Variants in GLYR1 observed in about 807,000 individuals in gnomAD.
The protein encoded by GLYR1 is cytokine-like nuclear factor N-PAC.
Under a neutral mutation model 72.7 loss-of-function variants are expected in GLYR1, and 21 were observed. The ratio of observed to expected loss-of-function variants is 0.29; its 90% CI spans 0.20 to 0.42. The LOEUF (loss-of-function observed/expected upper bound fraction) is 0.42, where lower values mean the gene tolerates loss of function less well. GLYR1 is among the 10% of genes least tolerant of loss of function. The pLI is 1.00. For synonymous variants in GLYR1, 392 were observed against 270.2 expected, an observed-to-expected ratio of 1.45 and a Z score of -4.42; for missense variants, 594 against 712.1, an observed-to-expected ratio of 0.83 and a Z score of 1.89.
At position 4,804,933 on chromosome 16, in the gene GLYR1, C is replaced by CTGTG. The variant is rs143624351; in HGVS notation, c.*299_*302dup. On this transcript the variant is annotated 3_prime_UTR_variant, in exon 16 of 16. Coordinates refer to ENST00000321919, the MANE Select transcript of GLYR1 (RefSeq NM_032569.4). ...GCAGCTTCTATCCTGGGGCGAGAGCCTGTGTGTGTGTGTGTGTGTGTGTGT... is the reference window on the plus strand; with the variant it reads ...GCAGCTTCTATCCTGGGGCGAGAGCCTGTGTGTGTGTGTGTGTGTGTGTGTGTGT... 22,662 of 296,468 alleles carry CTGTG rather than the reference C, an allele frequency of 0.076. 735 individuals carry two copies. The highest frequency in any genetic ancestry group is 0.096 in the South Asian group (1,320 of 13,684). 18.4% of individuals were successfully genotyped at this position (296,468 alleles called of 1,614,324 possible). A position where few individuals can be genotyped will look rare whatever the true frequency, so the allele number is the denominator to read the frequency against.
chr16:4,844,993 T>C, intron 3 of GLYR1, 81 bp downstream of exon 3: 1 of 910,702 alleles, frequency 1.1e-6, no homozygotes. Context: ...CTAAGGATCC[T>C]TAGAATATTT....
intron 3 of GLYR1, among the ~76,000 whole-genome samples, chr16:4,836,151 C>T (rs2085115321): frequency 1.3e-5 from 2 of 152,110 alleles, no homozygotes. Flanking sequence ...CTCAACAATG[C>T]ACCACTGTCT....
In GLYR1 at chr16:4,832,027, G is replaced by A. The variant is rs1200678482; in HGVS notation, c.489C>T (p.Ala163=). 1.9e-6 allele frequency: 3 copies of A among 1,614,082 alleles called. No homozygotes were observed. Among genetic ancestry groups the A allele is most frequent in the Non-Finnish European group, 1.7e-6 (2 of 1,180,008 alleles). The part of the protein sequence containing the change: ...ERGSKSPLKR[A]QEQSPRKRGR... ...CCCGCTTCCGGGGACTTTGCTCTTG[G>A]GCTCTTTTCAGAGGGGATTTGGAGC... The change falls in exon 5 of 16, where the codon GCC becomes GCT. Residue 163 remains alanine, a synonymous_variant. Coordinates refer to ENST00000321919, the MANE Select transcript of GLYR1 (RefSeq NM_032569.4).
At chr16:4,814,292 C>G (rs2083490636) in intron 11 of GLYR1, among the ~76,000 whole-genome samples, 2 of 152,230 alleles carry the variant, frequency 1.3e-5, no homozygotes, top group South Asian at 4.1e-4. Flanking sequence ...ACACATGAAG[C>G]CTGTTCAAGA....
chr16:4,821,474 T>G (rs1342158303), intron 8 of GLYR1, 21 bp from the exon 9 acceptor site: 2 of 1,614,114 alleles, frequency 1.2e-6, no homozygotes, highest in Non-Finnish European at 1.7e-6. Context: ...GAAGCACACA[T>G]CATCAAGTCA....
At chr16:4,844,853 C>A (rs1016296671) in intron 3 of GLYR1, among the ~76,000 whole-genome samples, 9 of 152,176 alleles carry the variant, frequency 5.9e-5, no homozygotes, top group African/African-American at 2.2e-4. Context: ...GGTAAATGAA[C>A]CTAGTTCTTG....
intron 3 of GLYR1, among the ~76,000 whole-genome samples, chr16:4,842,726 G>T (rs1486272813): frequency 6.6e-6 from 1 of 151,886 alleles, no homozygotes; most frequent in Non-Finnish European, 1.5e-5. Flanking sequence ...TTGAGACAGA[G>T]TCTCGCTCTG....
chr16:4,826,755 G>C (rs982626481), intron 5 of GLYR1, among the ~76,000 whole-genome samples: 1 of 152,192 alleles, frequency 6.6e-6, no homozygotes, highest in African/African-American at 2.4e-5. Context: ...TCACACAATA[G>C]GGTGATGGAG....
chr16:4,812,018 C>T, intron 13 of GLYR1, 68 bp downstream of exon 13: 4 of 1,542,482 alleles, frequency 2.6e-6, no homozygotes, highest in East Asian at 2.2e-5. Context: ...GGGACTGACG[C>T]TGTCATCAGT....
At chr16:4,828,532 G>A (rs1413278253) in intron 5 of GLYR1, among the ~76,000 whole-genome samples, 2 of 152,068 alleles carry the variant, frequency 1.3e-5, no homozygotes, top group Admixed American at 1.3e-4. Context: ...CTACTCCCCA[G>A]ATTAATAATT....
intron 15 of GLYR1, among the ~76,000 whole-genome samples, chr16:4,810,699 TAAA>T (rs551202037): frequency 6.4e-4 from 14 of 21,808 alleles, no homozygotes; most frequent in African/African-American, 3.6e-3. Context: ...CTGTCTCTAC[TAAA>T]AAAAAAAAAA....
intron 3 of GLYR1, among the ~76,000 whole-genome samples, chr16:4,842,007 C>T (rs1331702004): frequency 1.3e-5 from 2 of 152,042 alleles, no homozygotes; most frequent in Admixed American, 1.3e-4. Flanking sequence ...TTTGGGAGGC[C>T]GAGGCGGGCA....
chr16:4,834,295 C>CTTTTT (rs778256795), intron 3 of GLYR1, among the ~76,000 whole-genome samples: 5 of 118,350 alleles, frequency 4.2e-5, no homozygotes, highest in Non-Finnish European at 6.8e-5. Flanking sequence ...AGGCAAATTC[C>CTTTTT]TTTTTTTTTT....
chr16:4,843,759 G>GT, intron 3 of GLYR1: 1 of 584,382 alleles, frequency 1.7e-6, no homozygotes. Flanking sequence ...ATCTAAGGCT[G>GT]TATTTTCCTA....
intron 6 of GLYR1, among the ~76,000 whole-genome samples, 161 bp downstream of exon 6, chr16:4,823,660 G>C (rs1034172618): frequency 6.6e-6 from 1 of 151,222 alleles, no homozygotes; most frequent in East Asian, 1.9e-4. Flanking sequence ...GCTCACCCTA[G>C]AGGGAAATTT....
At chr16:4,835,701 C>T (rs1382213425) in intron 3 of GLYR1, among the ~76,000 whole-genome samples, 4 of 152,114 alleles carry the variant, frequency 2.6e-5, no homozygotes, top group Non-Finnish European at 5.9e-5. Context: ...TGTAGTGGCA[C>T]GCAGCTGTAA....
chr16:4,828,311 C>T (rs956999372), intron 5 of GLYR1, among the ~76,000 whole-genome samples: 3 of 152,034 alleles, frequency 2.0e-5, no homozygotes, highest in South Asian at 2.1e-4. Context: ...CCTCATGATC[C>T]GCCCGCCTCG....
chr16:4,825,654 T>C (rs902411081), intron 5 of GLYR1, among the ~76,000 whole-genome samples: 6 of 116,670 alleles, frequency 5.1e-5, no homozygotes, highest in Non-Finnish European at 1.1e-4. Context: ...TATTATCATC[T>C]TCTTTTTTTT....
intron 3 of GLYR1, among the ~76,000 whole-genome samples, chr16:4,833,401 C>T (rs2084919941): frequency 6.6e-6 from 1 of 152,106 alleles, no homozygotes; most frequent in Non-Finnish European, 1.5e-5. Context: ...CAATGGGAAC[C>T]AGATTTATGA....
Sources: allele counts gnomAD v4.1 joint callset (sites outside exome capture counted in the v4.1 genomes callset), GRCh38; gene constraint gnomAD v4.1.1; transcripts MANE v1.5; gene names NCBI Gene and HGNC (gene_info 2026-07-23, HGNC 2026-07-21).